RUFY3: variants seen among roughly 807,000 people sequenced by gnomAD.
RUFY3 encodes the protein protein RUFY3.
A neutral mutation model predicts 84.0 loss-of-function variants in RUFY3; 34 were observed. That is an observed-to-expected ratio of 0.40 (90% CI 0.31 to 0.54). The LOEUF (loss-of-function observed/expected upper bound fraction) is 0.54, where lower values mean the gene tolerates loss of function less well. RUFY3 is among the 20% of genes least tolerant of loss of function. The pLI, the probability that RUFY3 is intolerant of heterozygous loss-of-function variation, is 0.39. For missense variants in RUFY3, 507 were observed against 736.8 expected (o/e 0.69, Z 3.61); for synonymous variants, 242 against 252.9 (o/e 0.96, Z 0.41).
At chr4:70,741,486 A>C in intron 1 of RUFY3, 1 of 564,738 alleles carries the variant, frequency 1.8e-6, no homozygotes, top group Non-Finnish European at 3.0e-6. Flanking sequence ...TGTCACTGTT[A>C]ATCGCTGTGA....
At chr4:70,717,160 T>G (rs1242061376), upstream of RUFY3, among the ~76,000 whole-genome samples, 3 of 152,230 alleles carry the variant, frequency 2.0e-5, no homozygotes, top group Non-Finnish European at 2.9e-5. Flanking sequence ...GGACTTAAAA[T>G]TATACATTAA....
intron 12 of RUFY3, chr4:70,792,566 CA>C (rs1730990334): frequency 1.0e-6 from 1 of 985,382 alleles, no homozygotes; most frequent in Non-Finnish European, 1.2e-6. Context: ...TTCATTCCTT[CA>C]AAAGGTCCTG....
In RUFY3 at chr4:70,722,582, T is replaced by C. The variant is rs1297962501; in HGVS notation, c.9T>C (p.Ala3=). 1 of 1,613,088 alleles carries C rather than the reference T, an allele frequency of 6.2e-7. No individual in the cohort carries two copies. The highest frequency in any genetic ancestry group is 8.5e-7 in the Non-Finnish European group (1 of 1,179,830). Residue 3 remains alanine (A), a synonymous_variant, in exon 1 of 18, where the codon GCT becomes GCC. Coordinates refer to ENST00000381006, the MANE Select transcript of RUFY3 (RefSeq NM_001037442.4). Reference sequence around the variant, plus strand: ...GTCCCAGCTGAGTCATCATGTCTGCTCTGACGCCTCCGACCGATATGCCAA... The same window carrying C: ...GTCCCAGCTGAGTCATCATGTCTGCCCTGACGCCTCCGACCGATATGCCAA... MS[A]LTPPTDMPTP... is the part of the protein sequence containing the mutation.
chr4:70,774,630 AAAAAAAAAAAAAAAAT>A (rs1727531774), intron 6 of RUFY3, among the ~76,000 whole-genome samples: 1 of 120,412 alleles, frequency 8.3e-6, no homozygotes, highest in South Asian at 2.5e-4. Flanking sequence ...AAAAAAAAAA[AAAAAAAAAAAAAAAAT>A]ATATATATAT....
chr4:70,758,257 T>C (rs116590908), intron 1 of RUFY3, among the ~76,000 whole-genome samples: 104 of 152,292 alleles, frequency 6.8e-4, no homozygotes, highest in African/African-American at 2.5e-3. Flanking sequence ...ACTTGAATAG[T>C]ATTTAAGACA....
chr4:70,763,797 G>A, intron 3 of RUFY3, 128 bp downstream of exon 3: 3 of 1,145,492 alleles, frequency 2.6e-6, no homozygotes, highest in Non-Finnish European at 3.7e-6. Context: ...ATGATGTCAT[G>A]AATAGGTGCT....
At chr4:70,791,799 T>C (rs1416464807) in intron 12 of RUFY3, 1 of 986,234 alleles carries the variant, frequency 1.0e-6, no homozygotes, top group Non-Finnish European at 1.2e-6. Context: ...CCCTTTTCAC[T>C]TTTGTTATAT....
chr4:70,781,614 G>A (rs1728929172), intron 8 of RUFY3, among the ~76,000 whole-genome samples: 1 of 152,210 alleles, frequency 6.6e-6, no homozygotes, highest in African/African-American at 2.4e-5. Context: ...ACCTGCCTGA[G>A]GGCATACTTG....
chr4:70,712,462 G>A (rs1741098819), intron 1 of RUFY3, among the ~76,000 whole-genome samples: 1 of 152,182 alleles, frequency 6.6e-6, no homozygotes. Context: ...GGATAGCAGA[G>A]GAAAGGTGGC....
chr4:70,784,463 A>G (rs1272728488), intron 9 of RUFY3, among the ~76,000 whole-genome samples: 1 of 152,108 alleles, frequency 6.6e-6, no homozygotes, highest in Non-Finnish European at 1.5e-5. Context: ...AGCCTGGGCG[A>G]CAGAGTGAGA....
chr4:70,775,562 G>T (rs200621572), intron 7 of RUFY3, among the ~76,000 whole-genome samples: 2 of 152,244 alleles, frequency 1.3e-5, no homozygotes, highest in East Asian at 3.8e-4. Flanking sequence ...ATATACAGTT[G>T]AAATTGGTAG....
At chr4:70,792,588 T>C (rs1308296665) in intron 12 of RUFY3, 2 of 985,304 alleles carry the variant, frequency 2.0e-6, no homozygotes, top group African/African-American at 3.5e-5. Context: ...ACAAAATACT[T>C]GGGTTTTTTT....
rs575995115 is a variant in RUFY3, at chr4:70,774,002, G to A, written c.758+430G>A. 2.2e-3 allele frequency among the ~76,000 whole-genome samples: 341 copies of A among 152,194 alleles called. 3 individuals carry two copies. Among genetic ancestry groups the A allele is most frequent in the African/African-American group, 7.8e-3 (325 of 41,534 alleles). ...AAGGTACATGGGAACTCTGTGCTGC[G>A]TTTATACCTCTTCTTGTATATCTAA... On this transcript the variant is annotated intron_variant, in intron 6 of 17. Coordinates refer to ENST00000381006, the MANE Select transcript of RUFY3 (RefSeq NM_001037442.4).
chr4:70,802,320 G>A (rs1202352890), intron 15 of RUFY3, among the ~76,000 whole-genome samples: 1 of 152,188 alleles, frequency 6.6e-6, no homozygotes, highest in African/African-American at 2.4e-5. Context: ...CAAGTGAAAA[G>A]AATAAGAACC....
chr4:70,801,343 T>C (rs1578264590), intron 15 of RUFY3, among the ~76,000 whole-genome samples: 2 of 152,214 alleles, frequency 1.3e-5, no homozygotes, highest in East Asian at 3.9e-4. Flanking sequence ...AACCTTAATG[T>C]AAACTATAGA....
chr4:70,808,395 A>AGAT lies in RUFY3; in HGVS notation c.*1737_*1739dup, dbSNP rs1441871343. ...TTTTGATTCTGTTACGTGTGTCTAT[A>AGAT]GATTGTTTCATTCTAATCAAGACCT... On this transcript the variant is annotated 3_prime_UTR_variant, in exon 18 of 18. Coordinates refer to ENST00000381006, the MANE Select transcript of RUFY3 (RefSeq NM_001037442.4). Among the ~76,000 whole-genome samples, 3 of 152,314 alleles carry AGAT rather than the reference A, an allele frequency of 2.0e-5. No individual in the cohort carries two copies. The highest frequency in any genetic ancestry group is 7.2e-5 in the African/African-American group (3 of 41,568).
chr4:70,803,735 T>G (rs1262761692), intron 16 of RUFY3, among the ~76,000 whole-genome samples: 1 of 151,126 alleles, frequency 6.6e-6, no homozygotes, highest in African/African-American at 2.4e-5. Flanking sequence ...TTTTCCTTTT[T>G]TTTTTGAGAC....
At position 70,712,250 on chromosome 4, in the gene RUFY3, T is replaced by C. The variant is rs6848424; in HGVS notation, c.358+6956T>C. ...ACTAGTGGCCACCATTTGTGGGATA[T>C]TTTTGTGTGCCGTGCAGAGAGCTAG... On this transcript the variant is annotated intron_variant, in intron 1 of 11. Transcript: ENST00000417478. Among the ~76,000 whole-genome samples, 477 of 152,312 alleles carry C rather than the reference T, an allele frequency of 3.1e-3. 5 individuals are homozygous for C. Among genetic ancestry groups the C allele is most frequent in the African/African-American group, 0.01 (434 of 41,570 alleles).
chr4:70,803,764 C>G (rs1732528197), intron 16 of RUFY3, among the ~76,000 whole-genome samples: 1 of 151,396 alleles, frequency 6.6e-6, no homozygotes, highest in Admixed American at 6.6e-5. Context: ...ACTCTGTCAC[C>G]CAGGGTGGAG....
Sources: gnomAD v4.1 joint callset for allele counts (sites outside exome capture counted in the v4.1 genomes callset) on GRCh38, gnomAD v4.1.1 for gene constraint, MANE v1.5 for transcripts, NCBI Gene and HGNC (gene_info 2026-07-23, HGNC 2026-07-21) for gene names.